Variants in NLN observed in about 807,000 individuals in gnomAD.
The protein encoded by NLN is neurolysin.
In NLN, 64 loss-of-function variants were observed where a neutral mutation model predicts 79.9. That is an observed-to-expected ratio of 0.80 (90% confidence interval 0.65 to 0.99). The LOEUF (loss-of-function observed/expected upper bound fraction) is 0.99. Among genes scored for constraint, NLN ranks in the 50% least tolerant of loss-of-function variants. The pLI, the probability that NLN is intolerant of heterozygous loss-of-function variation, is 0.00. For synonymous variants in NLN, 267 were observed against 296.6 expected (o/e 0.90, Z 1.02); for missense variants, 835 against 858.7 (o/e 0.97, Z 0.34).
At chr5:65,781,558 A>T (rs1307849075) in intron 6 of NLN, 137 bp downstream of exon 6, 3 of 673,916 alleles carry the variant, frequency 4.5e-6, no homozygotes, top group Non-Finnish European at 7.7e-6. Flanking sequence ...CCTCAGACTT[A>T]CAAGACTTTT....
chr5:65,740,740 G>A (rs1029287402), intron 1 of NLN, among the ~76,000 whole-genome samples: 7 of 151,066 alleles, frequency 4.6e-5, no homozygotes, highest in African/African-American at 1.7e-4. Flanking sequence ...TTATTTCTGG[G>A]CTTTCTAGGC....
At chr5:65,743,417 T>C (rs538637970) in intron 1 of NLN, among the ~76,000 whole-genome samples, 2 of 152,366 alleles carry the variant, frequency 1.3e-5, no homozygotes, top group Non-Finnish European at 2.9e-5. Context: ...TTTAAGGAAC[T>C]TTCAGTTAGA....
At chr5:65,796,700 G>A (rs114654377) in intron 9 of NLN, among the ~76,000 whole-genome samples, 4 of 152,278 alleles carry the variant, frequency 2.6e-5, no homozygotes, top group South Asian at 2.1e-4. Flanking sequence ...CATAGGCACC[G>A]ATCCATATAT....
At chr5:65,756,003 C>CT (rs1232893356) in intron 1 of NLN, among the ~76,000 whole-genome samples, 1 of 152,172 alleles carries the variant, frequency 6.6e-6, no homozygotes, top group Non-Finnish European at 1.5e-5. Flanking sequence ...TGCTGCTCCC[C>CT]TGACACTGGT....
At chr5:65,740,388 T>G (rs865856489) in intron 1 of NLN, among the ~76,000 whole-genome samples, 2 of 152,130 alleles carry the variant, frequency 1.3e-5, no homozygotes, top group South Asian at 4.1e-4. Flanking sequence ...CATGAATGGA[T>G]TAATCCACTT....
intron 5 of NLN, 69 bp from the exon 6 acceptor site, chr5:65,781,192 A>G (rs1759792307): frequency 1.1e-6 from 1 of 919,960 alleles, no homozygotes; most frequent in Non-Finnish European, 1.7e-6. Flanking sequence ...ACCAAAAGGC[A>G]CCATGCCAAT....
intron 8 of NLN, among the ~76,000 whole-genome samples, chr5:65,788,691 G>A (rs965232492): frequency 1.3e-5 from 2 of 152,048 alleles, no homozygotes; most frequent in African/African-American, 2.4e-5. Flanking sequence ...TAAAAATTAG[G>A]TCAAGTGTGG....
intron 4 of NLN, among the ~76,000 whole-genome samples, chr5:65,779,788 C>A (rs1311817625): frequency 2.0e-5 from 3 of 152,196 alleles, no homozygotes; most frequent in African/African-American, 7.2e-5. Flanking sequence ...GTGGACATGA[C>A]ATAGTGGACT....
intron 1 of NLN, among the ~76,000 whole-genome samples, chr5:65,729,075 C>T (rs1448491557): frequency 6.6e-6 from 1 of 152,164 alleles, no homozygotes; most frequent in African/African-American, 2.4e-5. Flanking sequence ...AATTCCTGGG[C>T]TCGAGTGATC....
chr5:65,812,414 T>C, intron 12 of NLN, 23 bp downstream of exon 12: 1 of 1,461,602 alleles, frequency 6.8e-7, no homozygotes, highest in Non-Finnish European at 9.5e-7. Context: ...TTTTCTCCTT[T>C]TATTAATTTT....
chr5:65,754,307 C>G (rs572028225), intron 1 of NLN, among the ~76,000 whole-genome samples: 2 of 152,232 alleles, frequency 1.3e-5, no homozygotes, highest in Admixed American at 1.3e-4. Flanking sequence ...GGATGGCTGC[C>G]AGCTGCAATC....
chr5:65,758,356 A>G (rs1287660465), intron 1 of NLN, among the ~76,000 whole-genome samples: 1 of 152,244 alleles, frequency 6.6e-6, no homozygotes, highest in Non-Finnish European at 1.5e-5. Flanking sequence ...TTTGAATTAT[A>G]CAAATTTCAT....
At chr5:65,745,317 T>C (rs1758953225) in intron 1 of NLN, among the ~76,000 whole-genome samples, 1 of 152,166 alleles carries the variant, frequency 6.6e-6, no homozygotes, top group South Asian at 2.1e-4. Context: ...AGAAGTGCAA[T>C]TGGTGAGAAA....
At chr5:65,813,901 G>A (rs897827966) in intron 12 of NLN, among the ~76,000 whole-genome samples, 1 of 151,548 alleles carries the variant, frequency 6.6e-6, no homozygotes, top group African/African-American at 2.4e-5. Context: ...CTACACTCCA[G>A]CCTGAATGAC....
In NLN at chr5:65,822,957, C is replaced by A; in HGVS notation, c.*42C>A. 2 of 1,574,568 alleles carry A rather than the reference C, an allele frequency of 1.3e-6. No individual in the cohort carries two copies. The highest frequency in any genetic ancestry group is 2.2e-5 in the South Asian group (2 of 89,458). On this transcript the variant is annotated 3_prime_UTR_variant, in exon 13 of 13. Coordinates refer to ENST00000380985, the MANE Select transcript of NLN (RefSeq NM_020726.5). Reference sequence around the variant, plus strand: ...AGCCGTCCATGTCTGGAGGACAAGTCGACATCACCATGTGTTACTGGCCTG... The same window carrying A: ...AGCCGTCCATGTCTGGAGGACAAGTAGACATCACCATGTGTTACTGGCCTG...
Position 65,792,476 on chromosome 5 carries a change from G to T in NLN, c.1348G>T (p.Ala450Ser), listed in dbSNP as rs1230667048. 4 of 1,613,814 alleles carry T rather than the reference G, an allele frequency of 2.5e-6. No individual in the cohort carries two copies. Among genetic ancestry groups the T allele is most frequent in the Non-Finnish European group, 3.4e-6 (4 of 1,179,898 alleles). The change falls in exon 9 of 13, where the codon GCC becomes TCC. Residue 450 changes from alanine to serine, a missense_variant. Physicochemically the swap from Ala to Ser is moderately conservative, Grantham distance 99. Transcript: ENST00000380985. ...TAGGGAAGGAAAATACAATCATGCGGCCTGCTTCGGTCTCCAGCCTGGCTG... is the reference window on the plus strand; with the variant it reads ...TAGGGAAGGAAAATACAATCATGCGTCCTGCTTCGGTCTCCAGCCTGGCTG... ...YPREGKYNHA[A>S]CFGLQPGCLL...
At chr5:65,820,681 T>A (rs187580741) in intron 12 of NLN, among the ~76,000 whole-genome samples, 51 of 152,284 alleles carry the variant, frequency 3.3e-4, no homozygotes, top group African/African-American at 1.2e-3. Context: ...GCTGTAGTAG[T>A]CATGAATTGC....
chr5:65,732,837 G>T (rs1758640207), intron 1 of NLN: 3 of 376,880 alleles, frequency 8.0e-6, no homozygotes, highest in South Asian at 7.1e-5. Context: ...AGGCTGAAAG[G>T]ACTGAGCCTA....
At chr5:65,817,158 G>A (rs894460488) in intron 12 of NLN, among the ~76,000 whole-genome samples, 5 of 152,114 alleles carry the variant, frequency 3.3e-5, no homozygotes, top group African/African-American at 1.2e-4. Context: ...ATAACTGACT[G>A]CTTACCTATA....
Sources: gnomAD v4.1 joint callset for allele counts (sites outside exome capture counted in the v4.1 genomes callset) on GRCh38, gnomAD v4.1.1 for gene constraint, MANE v1.5 for transcripts, NCBI Gene and HGNC (gene_info 2026-07-23, HGNC 2026-07-21) for gene names.